Variants in PDZD2 observed in about 807,000 individuals in gnomAD.
PDZD2 encodes the protein PDZ domain containing 2, also known as PDZ domain-containing protein 2.
Under a neutral mutation model 220.7 loss-of-function variants are expected in PDZD2, and 90 were observed. The ratio of observed to expected loss-of-function variants is 0.41; its 90% confidence interval spans 0.34 to 0.49. PDZD2 has a LOEUF of 0.49. Ranked by LOEUF, PDZD2 falls within the 20% of genes least tolerant of loss-of-function variation. The probability of loss-of-function intolerance (pLI) is 0.28; values close to 1 mark genes in which losing one functional copy is unlikely to be tolerated. For missense variants in PDZD2, 3,174 were observed against 3,608.5 expected (o/e 0.88, Z 3.08); for synonymous variants, 1,375 against 1,450.5 (o/e 0.95, Z 1.18).
At chr5:32,042,724 T>C (rs529243366) in intron 7 of PDZD2, among the ~76,000 whole-genome samples, 4 of 152,204 alleles carry the variant, frequency 2.6e-5, no homozygotes, top group Admixed American at 1.3e-4. Flanking sequence ...AAAGGAGAAG[T>C]CTGAAGGGAG....
In PDZD2 at chr5:32,008,471, G is replaced by A. The variant is rs1018623920; in HGVS notation, c.1255-1859G>A. Among the ~76,000 whole-genome samples the A allele has an allele frequency of 5.3e-5, 8 of 151,822 alleles. No individual in the cohort carries two copies. In the East Asian group the frequency reaches 7.8e-4, roughly 15 times the overall value. ...TAATTTTTGTATTTTTAGTAGAGAC[G>A]GATGGGGTTTCACCATGTTGGCCAG... On this transcript the variant is annotated intron_variant, in intron 5 of 24. Coordinates refer to ENST00000438447, the MANE Select transcript of PDZD2 (RefSeq NM_178140.4).
At chr5:31,695,070 G>C (rs534018254) in intron 1 of PDZD2, among the ~76,000 whole-genome samples, 1 of 152,092 alleles carries the variant, frequency 6.6e-6, no homozygotes, top group South Asian at 2.1e-4. Flanking sequence ...GTTGCAGTGA[G>C]CCGAGATCGC....
Position 31,746,508 on chromosome 5 carries a change from A to G in PDZD2, c.-360-52381A>G, listed in dbSNP as rs1021973930. Among the ~76,000 whole-genome samples the G allele has an allele frequency of 3.9e-5, 6 of 152,186 alleles. No homozygotes were observed. In the South Asian group the frequency reaches 1.2e-3, roughly 32 times the overall value. On this transcript the variant is annotated intron_variant, in intron 1 of 24. Transcript: ENST00000438447. The stretch of plus-strand genomic sequence containing the variant: ...ATTGTGCTCAAAAATAGAATTTTAA[A>G]TCATCGCCCTGGCAAAAATATGTTA...
rs534705221 is a variant in PDZD2, at chr5:32,082,708, G to A, written c.3683-4423G>A. ...TAGTATATGATACACAGTAAGATACGTGTGTGTGTATGTATGTGTGTATGT... is the reference window on the plus strand; with the variant it reads ...TAGTATATGATACACAGTAAGATACATGTGTGTGTATGTATGTGTGTATGT... On this transcript the variant is annotated intron_variant, in intron 19 of 24. Transcript: ENST00000438447. 3.9e-5 allele frequency among the ~76,000 whole-genome samples: 6 copies of A among 152,244 alleles called. No homozygotes were observed. The South Asian group carries it at 8.3e-4, about 21-fold the overall frequency.
chr5:31,883,540 G>C (rs1740141152), intron 2 of PDZD2, among the ~76,000 whole-genome samples: 1 of 151,564 alleles, frequency 6.6e-6, no homozygotes, highest in Non-Finnish European at 1.5e-5. Context: ...CTTTTTCTTT[G>C]AAAGAAAAGT....
chr5:32,043,004 T>A (rs1464852530), intron 7 of PDZD2, among the ~76,000 whole-genome samples: 6 of 152,216 alleles, frequency 3.9e-5, no homozygotes, highest in Non-Finnish European at 8.8e-5. Flanking sequence ...ACTCAGTCAA[T>A]GCCGGGAAAA....
chr5:31,938,668 AAAAG>A (rs1176873140), intron 2 of PDZD2, among the ~76,000 whole-genome samples: 1 of 149,018 alleles, frequency 6.7e-6, no homozygotes, highest in Non-Finnish European at 1.5e-5. Flanking sequence ...TTGGAAAAAA[AAAAG>A]ATGTTTTTTG....
chr5:31,771,761 GT>G (rs1329783109), intron 1 of PDZD2, among the ~76,000 whole-genome samples: 1 of 152,200 alleles, frequency 6.6e-6, no homozygotes, highest in Non-Finnish European at 1.5e-5. Context: ...ATTGGGTGTG[GT>G]TAGTAAAGGA....
At chr5:31,890,082 T>C (rs980240992) in intron 2 of PDZD2, among the ~76,000 whole-genome samples, 1 of 138,108 alleles carries the variant, frequency 7.2e-6, no homozygotes, top group African/African-American at 2.7e-5. Context: ...AACAAAACCG[T>C]AAGAAACATT....
chr5:31,701,017 A>C (rs1747582234), intron 1 of PDZD2, among the ~76,000 whole-genome samples: 1 of 152,136 alleles, frequency 6.6e-6, no homozygotes, highest in Non-Finnish European at 1.5e-5. Context: ...GGCTGTGCCC[A>C]AGGGGGGACA....
intron 7 of PDZD2, among the ~76,000 whole-genome samples, chr5:32,039,526 C>G (rs1755852582): frequency 6.6e-6 from 1 of 152,210 alleles, no homozygotes; most frequent in Non-Finnish European, 1.5e-5. Context: ...CCGCCCGCCA[C>G]CCCGTCTTAA....
intron 21 of PDZD2, among the ~76,000 whole-genome samples, chr5:32,094,658 G>A (rs1294215035): frequency 1.3e-5 from 2 of 148,988 alleles, no homozygotes; most frequent in Non-Finnish European, 1.5e-5. Context: ...CCAGGAGTTC[G>A]AGACCAGCCT....
At chr5:31,841,151 G>A (rs1410624094) in intron 2 of PDZD2, among the ~76,000 whole-genome samples, 1 of 152,150 alleles carries the variant, frequency 6.6e-6, no homozygotes, top group Non-Finnish European at 1.5e-5. Context: ...TCATCCAGTG[G>A]TGGGATATTA....
At chr5:31,725,724 G>A (rs1749082878) in intron 1 of PDZD2, 1 of 878,304 alleles carries the variant, frequency 1.1e-6, no homozygotes, top group Non-Finnish European at 1.9e-6. Flanking sequence ...TGAGATGCAG[G>A]CCTGCAACGT....
chr5:32,015,207 G>T (rs775409929), intron 6 of PDZD2, among the ~76,000 whole-genome samples: 22 of 152,002 alleles, frequency 1.4e-4, no homozygotes, highest in Non-Finnish European at 2.2e-4. Context: ...CTCCCAAAGT[G>T]CTGGGATTAC....
intron 2 of PDZD2, among the ~76,000 whole-genome samples, chr5:31,939,172 G>A (rs1036811778): frequency 6.6e-6 from 1 of 152,334 alleles, no homozygotes; most frequent in Non-Finnish European, 1.5e-5. Flanking sequence ...TGATGAGCCA[G>A]GTTGTCAGAG....
chr5:31,927,516 T>G (rs1744903333), intron 2 of PDZD2, among the ~76,000 whole-genome samples: 1 of 152,150 alleles, frequency 6.6e-6, no homozygotes, highest in Admixed American at 6.5e-5. Flanking sequence ...CCCGAGTAGC[T>G]GGGATTACAG....
intron 2 of PDZD2, among the ~76,000 whole-genome samples, chr5:31,901,294 T>C (rs925494226): frequency 6.6e-6 from 1 of 152,060 alleles, no homozygotes; most frequent in Non-Finnish European, 1.5e-5. Context: ...GGCATGTGCC[T>C]GTAATCCCAC....
intron 4 of PDZD2, among the ~76,000 whole-genome samples, chr5:31,998,991 A>G (rs1407661470): frequency 2.0e-5 from 3 of 152,096 alleles, no homozygotes; most frequent in Admixed American, 6.5e-5. Flanking sequence ...AGAACTGTTG[A>G]CTCACCACGA....
Sources: allele counts gnomAD v4.1 joint callset (sites outside exome capture counted in the v4.1 genomes callset), GRCh38; gene constraint gnomAD v4.1.1; transcripts MANE v1.5; gene names NCBI Gene and HGNC (gene_info 2026-07-23, HGNC 2026-07-21).